The following OTC variants were observed in gnomAD, a reference collection of about 807,000 sequenced individuals.
The protein encoded by OTC is ornithine transcarbamylase.
A neutral mutation model predicts 30.3 loss-of-function variants in OTC; 3 were observed. That is an observed-to-expected ratio of 0.10 (90% CI 0.05 to 0.26). The LOEUF is 0.26. OTC is among the 10% of genes least tolerant of loss of function. The probability of loss-of-function intolerance (pLI) is 1.00; values close to 1 mark genes in which losing one functional copy is unlikely to be tolerated. For missense variants in OTC, 194 were observed against 260.3 expected, an observed-to-expected ratio of 0.75 and a Z score of 1.75; for synonymous variants, 111 against 99.7, an observed-to-expected ratio of 1.11 and a Z score of -0.67.
In OTC at chrX:38,409,044, C is replaced by T; in HGVS notation, c.867+19C>T. 1 of 1,205,222 alleles carries T rather than the reference C, an allele frequency of 8.3e-7. No homozygotes were observed. Among genetic ancestry groups the T allele is most frequent in the Non-Finnish European group, 1.1e-6 (1 of 889,535 alleles). On this transcript the variant is annotated intron_variant, in intron 8 of 9. Coordinates refer to ENST00000039007, the MANE Select transcript of OTC (RefSeq NM_000531.6). ...AATGAAGGTACAAATTGATGCCTCT[C>T]TGAAGGTTCATTAATTCCATTCATG...
intron 4 of OTC, among the ~76,000 whole-genome samples, chrX:38,391,391 TA>T (rs765621357): frequency 1.8e-5 from 2 of 111,050 alleles, no homozygotes; most frequent in Non-Finnish European, 3.8e-5. Context: ...ACTTAAACTA[TA>T]AAAAAAGTAC....
At chrX:38,400,967 T>C (rs1320927544) in intron 4 of OTC, among the ~76,000 whole-genome samples, 2 of 112,574 alleles carry the variant, frequency 1.8e-5, no homozygotes, top group Admixed American at 9.4e-5. Flanking sequence ...ATCTTGCTTT[T>C]GGTCTTGTCC....
At chrX:38,354,386 C>T (rs1250083086) in intron 1 of OTC, among the ~76,000 whole-genome samples, 1 of 111,989 alleles carries the variant, frequency 8.9e-6, no homozygotes, top group Non-Finnish European at 1.9e-5. Context: ...AACAAGGAAT[C>T]ATCACTGAGT....
intron 4 of OTC, among the ~76,000 whole-genome samples, chrX:38,383,603 G>A (rs934444352): frequency 2.2e-4 from 24 of 110,733 alleles, no homozygotes; most frequent in Non-Finnish European, 4.0e-4. Context: ...TTTGAGACCA[G>A]CCTGACCAAC....
chrX:38,399,806 C>A (rs2068476033), intron 4 of OTC, among the ~76,000 whole-genome samples: 1 of 111,250 alleles, frequency 9.0e-6, no homozygotes, highest in Admixed American at 9.6e-5. Flanking sequence ...TTGAAAACCC[C>A]TTGTCTTAGT....
chrX:38,411,493 C>T (rs920015470), intron 8 of OTC, among the ~76,000 whole-genome samples: 1 of 109,969 alleles, frequency 9.1e-6, no homozygotes, highest in African/African-American at 3.3e-5. Context: ...TGGTGAAATC[C>T]CGTCTCTACT....
chrX:38,352,600 A>G (rs934477998), upstream of OTC: 5 of 641,107 alleles, frequency 7.8e-6, no homozygotes, highest in South Asian at 2.3e-5. Flanking sequence ...CCTCACTGCA[A>G]CTGAACACAT....
chrX:38,380,221 T>C (rs1010797293), intron 3 of OTC, among the ~76,000 whole-genome samples: 1 of 111,915 alleles, frequency 8.9e-6, no homozygotes, highest in African/African-American at 3.2e-5. Flanking sequence ...AGATTTTGAG[T>C]CAAATTCTCC....
At chrX:38,358,917 C>A (rs62589172) in intron 1 of OTC, among the ~76,000 whole-genome samples, 45,219 of 109,606 alleles carry the variant, frequency 0.41, 7,217 homozygotes, top group Middle Eastern at 0.56. Context: ...CCACCGCACC[C>A]GGCCAGCTGT....
intron 1 of OTC, among the ~76,000 whole-genome samples, chrX:38,363,698 A>C (rs757944974): frequency 3.6e-5 from 4 of 112,027 alleles, no homozygotes; most frequent in South Asian, 3.7e-4. Flanking sequence ...ATTGCTGACT[A>C]TGATGGAGAT....
intron 9 of OTC, among the ~76,000 whole-genome samples, chrX:38,414,777 G>A (rs1010907690): frequency 4.5e-5 from 5 of 111,801 alleles, no homozygotes; most frequent in African/African-American, 1.3e-4. Context: ...ACTGATTAGC[G>A]TGCCTTACAC....
At chrX:38,334,009 AT>A in the OTC span, among the ~76,000 whole-genome samples, 1 of 112,330 alleles carries the variant, frequency 8.9e-6, no homozygotes, top group African/African-American at 3.2e-5. Flanking sequence ...TCTACTGCAC[AT>A]TTTATTACGC....
chrX:38,401,589 A>G (rs1019054675), intron 5 of OTC, among the ~76,000 whole-genome samples, 161 bp downstream of exon 5: 2 of 112,340 alleles, frequency 1.8e-5, no homozygotes, highest in African/African-American at 6.5e-5. Flanking sequence ...GGAAAACAGG[A>G]CATTGTTAAA....
chrX:38,403,588 A>G (rs1184616410), intron 5 of OTC, 30 bp from the exon 6 acceptor site: 1 of 1,204,162 alleles, frequency 8.3e-7, no homozygotes, highest in East Asian at 3.0e-5. Context: ...TTACGCCTGG[A>G]TTTCATCTCC....
chrX:38,385,323 G>A (rs899482935), intron 4 of OTC, among the ~76,000 whole-genome samples: 3 of 112,423 alleles, frequency 2.7e-5, no homozygotes, highest in Non-Finnish European at 5.6e-5. Context: ...TCTTGTTAGA[G>A]TGGAAATTGC....
chrX:38,352,572 G>T, upstream of OTC: 1 of 539,917 alleles, frequency 1.9e-6, no homozygotes. Context: ...AAGCTGAAGG[G>T]TGATATTACC....
At chrX:38,349,884 T>C (rs141210602), upstream of OTC, among the ~76,000 whole-genome samples, 11 of 111,965 alleles carry the variant, frequency 9.8e-5, no homozygotes, top group East Asian at 3.1e-3. Flanking sequence ...GTGGTGGGGC[T>C]TCATTTCAAT....
At chrX:38,331,420 A>AT in the OTC span, among the ~76,000 whole-genome samples, 33 of 76,868 alleles carry the variant, frequency 4.3e-4, no homozygotes, top group South Asian at 2.1e-3. Context: ...CACCCAGCTA[A>AT]TTTTTTTTTT....
At chrX:38,407,503 G>A (rs1200801261) in intron 6 of OTC, among the ~76,000 whole-genome samples, 3 of 112,012 alleles carry the variant, frequency 2.7e-5, no homozygotes, top group Non-Finnish European at 3.8e-5. Context: ...GAGAAGGATA[G>A]AGGAAGGTGA....
Sources: allele counts gnomAD v4.1 joint callset (sites outside exome capture counted in the v4.1 genomes callset), GRCh38; gene constraint gnomAD v4.1.1; transcripts MANE v1.5; gene names NCBI Gene and HGNC (gene_info 2026-07-23, HGNC 2026-07-21).